Variants in PIEZO2 observed in about 807,000 individuals in gnomAD.
PIEZO2 encodes piezo type mechanosensitive ion channel component 2.
A neutral mutation model predicts 337.3 loss-of-function variants in PIEZO2; 172 were observed. The observed-to-expected ratio is 0.51, with a 90% confidence interval of 0.45 to 0.58. The LOEUF (loss-of-function observed/expected upper bound fraction) is 0.58, where lower values mean the gene tolerates loss of function less well. PIEZO2 is among the 20% of genes least tolerant of loss of function. The probability of loss-of-function intolerance (pLI) is 0.00; values close to 1 mark genes in which losing one functional copy is unlikely to be tolerated. For missense variants in PIEZO2, 3,028 were observed against 3,391.3 expected, an observed-to-expected ratio of 0.89 and a Z score of 2.66; for synonymous variants, 1,251 against 1,228.5, an observed-to-expected ratio of 1.02 and a Z score of -0.38.
chr18:10,714,489 T>C (rs1374224015), intron 39 of PIEZO2, among the ~76,000 whole-genome samples: 1 of 152,216 alleles, frequency 6.6e-6, no homozygotes, highest in Non-Finnish European at 1.5e-5. Context: ...GGGATCATTC[T>C]TCCTTGCCTC....
At chr18:10,967,011 G>GTTTTTTTTTTTTT (rs1368023375) in intron 3 of PIEZO2, among the ~76,000 whole-genome samples, 2 of 109,392 alleles carry the variant, frequency 1.8e-5, no homozygotes, top group Non-Finnish European at 1.9e-5. Flanking sequence ...CATTTTCTCT[G>GTTTTTTTTTTTTT]TTTTTTGTTT....
At chr18:10,744,048 C>T in intron 31 of PIEZO2, 94 bp downstream of exon 31, 1 of 823,570 alleles carries the variant, frequency 1.2e-6, no homozygotes, top group Non-Finnish European at 1.9e-6. Context: ...ATATATTTTT[C>T]AGGGGTTTGA....
rs776605864 is a variant in PIEZO2, at chr18:11,035,676, T to C, written c.160+30451A>G. ...TAATATGCATAGGAAGTCACTCTTA[T>C]CCCTGAAGAATGGACACAGAGGGTT... On this transcript the variant is annotated intron_variant, in intron 2 of 55. Transcript: ENST00000674853. This position sits in a 1 kb window ranked among gnomAD's most constrained non-coding sequence, Gnocchi z 4.3. Among the ~76,000 whole-genome samples, 1 of 152,142 alleles carries C rather than the reference T, an allele frequency of 6.6e-6. No individual in the cohort carries two copies. Among genetic ancestry groups the C allele is most frequent in the African/African-American group, 2.4e-5 (1 of 41,434 alleles).
Position 10,807,218 on chromosome 18 carries a change from A to C in PIEZO2, c.974T>G (p.Ile325Arg), listed in dbSNP as rs201187703. 6.5e-7 allele frequency: 1 copy of C among 1,537,328 alleles called. No homozygotes were observed. Among genetic ancestry groups the C allele is most frequent in the South Asian group, 1.2e-5 (1 of 84,062 alleles). Residue 325 changes from isoleucine to arginine, a missense_variant, in exon 8 of 56, where the codon ATA becomes AGA. Physicochemically the swap from Ile to Arg is moderately conservative, Grantham distance 97. This residue lies in a region of PIEZO2 where 542 missense variants were observed against 605.6 expected (regional missense o/e 0.89). Coordinates refer to ENST00000674853, the MANE Select transcript of PIEZO2 (RefSeq NM_001378183.1). ...QTDCSSTWKI[I>R]VNPDLSWYHH... ...GTACCACGACAGGTCCGGGTTCACT[A>C]TGATCTTCCAAGTACTTGAACAGTC...
intron 3 of PIEZO2, among the ~76,000 whole-genome samples, chr18:10,920,582 C>T (rs1415447419): frequency 6.6e-6 from 1 of 152,148 alleles, no homozygotes; most frequent in Non-Finnish European, 1.5e-5. Flanking sequence ...AGTCAACATG[C>T]TGTTACAACT....
Position 10,677,332 on chromosome 18 carries a change from C to T in PIEZO2, c.8081+415G>A, listed in dbSNP as rs528698803. 8.5e-4 allele frequency among the ~76,000 whole-genome samples: 130 copies of T among 152,272 alleles called. 1 individual carries two copies. The highest frequency in any genetic ancestry group is 2.9e-3 in the African/African-American group (122 of 41,540). ...TCAAGAATTCAAGTGATTCTCATGCCTCAGGCTCCCAAGTAGCTGGGAGTA... is the reference window on the plus strand; with the variant it reads ...TCAAGAATTCAAGTGATTCTCATGCTTCAGGCTCCCAAGTAGCTGGGAGTA... On this transcript the variant is annotated intron_variant, in intron 53 of 55. Coordinates refer to ENST00000674853, the MANE Select transcript of PIEZO2 (RefSeq NM_001378183.1). This position sits in a 1 kb window ranked among gnomAD's most constrained non-coding sequence, Gnocchi z 4.1.
chr18:10,695,983 G>C, intron 47 of PIEZO2, 91 bp downstream of exon 47: 1 of 1,266,790 alleles, frequency 7.9e-7, no homozygotes, highest in Non-Finnish European at 1.1e-6. Context: ...CCTGTGGCCA[G>C]CAGTTCTGCT....
At chr18:10,880,838 C>T (rs1372130764) in intron 4 of PIEZO2, among the ~76,000 whole-genome samples, 1 of 108,448 alleles carries the variant, frequency 9.2e-6, no homozygotes, top group Non-Finnish European at 1.8e-5. Context: ...CAACTGCTTC[C>T]CACATATCAT....
rs2036556025 is a variant in PIEZO2 at position 10,726,624 on chromosome 18, C to T, written c.5029+4783G>A. On this transcript the variant is annotated intron_variant, in intron 36 of 55. Coordinates refer to ENST00000674853, the MANE Select transcript of PIEZO2 (RefSeq NM_001378183.1). The surrounding 1 kb of genome is among the most constrained non-coding windows in gnomAD (Gnocchi z 5.9). ...GCTACGTGCGGGACGCCGACGTGCG[C>T]TGGGAGTACTGCGCGCGCGCCAAGC... The T allele has an allele frequency of 4.2e-6, 3 of 716,050 alleles. No homozygotes were observed. The highest frequency in any genetic ancestry group is 2.3e-5 in the South Asian group (1 of 43,646). 44.4% of individuals were successfully genotyped at this position (716,050 alleles called of 1,614,324 possible).
At chr18:10,950,905 G>T (rs900369094) in intron 3 of PIEZO2, among the ~76,000 whole-genome samples, 5 of 152,178 alleles carry the variant, frequency 3.3e-5, no homozygotes, top group Non-Finnish European at 5.9e-5. Flanking sequence ...AAATCGCTCT[G>T]CAATTGCCTT....
chr18:11,036,998 C>T (rs928510748), intron 2 of PIEZO2, among the ~76,000 whole-genome samples: 3 of 152,244 alleles, frequency 2.0e-5, no homozygotes, highest in Middle Eastern at 3.4e-3. Context: ...CAGAGCGAGA[C>T]TCTGTCGCCC....
At chr18:10,841,882 C>T (rs532869285) in intron 7 of PIEZO2, among the ~76,000 whole-genome samples, 10 of 152,048 alleles carry the variant, frequency 6.6e-5, no homozygotes, top group Non-Finnish European at 1.0e-4. Context: ...GTTGGTGCAA[C>T]GCAGGGCGTG....
intron 3 of PIEZO2, among the ~76,000 whole-genome samples, chr18:10,924,953 A>G (rs1302679567): frequency 6.6e-6 from 1 of 152,246 alleles, no homozygotes; most frequent in East Asian, 1.9e-4. Context: ...TTTATGAAAA[A>G]TAAAAACTTA....
chr18:11,083,927 A>T lies in PIEZO2; in HGVS notation c.65-17705T>A, dbSNP rs1037084860. Among the ~76,000 whole-genome samples, 34 of 152,190 alleles carry T rather than the reference A, an allele frequency of 2.2e-4. No individual in the cohort carries two copies. The highest frequency in any genetic ancestry group is 7.2e-4 in the African/African-American group (30 of 41,452). ...AGTGGGGGCTCATGCCTGTTATCCC[A>T]GCACTTTGGGAGGCCAAGGCGGGCT... On this transcript the variant is annotated intron_variant, in intron 1 of 55. Coordinates refer to ENST00000674853, the MANE Select transcript of PIEZO2 (RefSeq NM_001378183.1). This position sits in a 1 kb window ranked among gnomAD's most constrained non-coding sequence, Gnocchi z 4.4.
At chr18:11,049,806 C>T (rs955709534) in intron 2 of PIEZO2, among the ~76,000 whole-genome samples, 29 of 152,182 alleles carry the variant, frequency 1.9e-4, no homozygotes, top group African/African-American at 2.7e-4. Flanking sequence ...TCCCCAGCCA[C>T]GTGGAACTGT....
rs1475434130 is a variant in PIEZO2 at position 10,746,715 on chromosome 18, G to A, written c.4424+1756C>T. ...ACTATCTTTATAAAAGAAGCCCAAG[G>A]GGGGTCTCTTGCCCCTTCCACCAAA... On this transcript the variant is annotated intron_variant, in intron 30 of 55. Coordinates refer to ENST00000674853, the MANE Select transcript of PIEZO2 (RefSeq NM_001378183.1). This position sits in a 1 kb window ranked among gnomAD's most constrained non-coding sequence, Gnocchi z 4.2. Among the ~76,000 whole-genome samples, 4 of 152,208 alleles carry A rather than the reference G, an allele frequency of 2.6e-5. No homozygotes were observed. Among genetic ancestry groups the A allele is most frequent in the Non-Finnish European group, 5.9e-5 (4 of 68,048 alleles).
In PIEZO2 at chr18:11,013,703, A is replaced by G. The variant is rs1054666793; in HGVS notation, c.161-34043T>C. Among the ~76,000 whole-genome samples the G allele has an allele frequency of 2.0e-5, 3 of 152,290 alleles. No individual in the cohort carries two copies. In the East Asian group the frequency reaches 5.8e-4, roughly 29 times the overall value. On this transcript the variant is annotated intron_variant, in intron 2 of 55. Coordinates refer to ENST00000674853, the MANE Select transcript of PIEZO2 (RefSeq NM_001378183.1). ...AAAATGAGATGCAACATTCTAATTC[A>G]TTAGGAACATTTAGAGTCCACCTGG...
rs2039517736 is a variant in PIEZO2, at chr18:11,104,921, G to A, written c.65-38699C>T. Reference sequence around the variant, plus strand: ...ATGAGGCCCCCTCCCCAGGTACAATGTTTGGTGCTGGGATCCCAGCAGGGC... The same window carrying A: ...ATGAGGCCCCCTCCCCAGGTACAATATTTGGTGCTGGGATCCCAGCAGGGC... On this transcript the variant is annotated intron_variant, in intron 1 of 55. Coordinates refer to ENST00000674853, the MANE Select transcript of PIEZO2 (RefSeq NM_001378183.1). The surrounding 1 kb of genome is among the most constrained non-coding windows in gnomAD (Gnocchi z 4.6). Among the ~76,000 whole-genome samples the A allele has an allele frequency of 6.6e-6, 1 of 151,954 alleles. No homozygotes were observed. The highest frequency in any genetic ancestry group is 6.6e-5 in the Admixed American group (1 of 15,266).
chr18:10,755,892 A>G (rs1345247364), intron 27 of PIEZO2, among the ~76,000 whole-genome samples: 1 of 149,352 alleles, frequency 6.7e-6, no homozygotes, highest in Admixed American at 6.6e-5. Flanking sequence ...GATGGGGAAT[A>G]AGGATGAGGG....
Sources: allele counts gnomAD v4.1 joint callset (sites outside exome capture counted in the v4.1 genomes callset), GRCh38; gene constraint gnomAD v4.1.1; regional missense constraint gnomAD v4.1.1; non-coding constraint Gnocchi (gnomAD v3.1); transcripts MANE v1.5; gene names NCBI Gene and HGNC (gene_info 2026-07-23, HGNC 2026-07-21).